The following SRGAP3 variants were observed in gnomAD, a reference collection of about 807,000 sequenced individuals.
SRGAP3 encodes SLIT-ROBO Rho GTPase-activating protein 3.
Under a neutral mutation model 121.1 loss-of-function variants are expected in SRGAP3, and 39 were observed. The observed-to-expected ratio is 0.32, with a 90% CI of 0.25 to 0.42. The LOEUF (loss-of-function observed/expected upper bound fraction) is 0.42. SRGAP3 is among the 10% of genes least tolerant of loss of function. The pLI, the probability that SRGAP3 is intolerant of heterozygous loss-of-function variation, is 1.00. For missense variants in SRGAP3, 1,213 were observed against 1,470.6 expected, an observed-to-expected ratio of 0.82 and a Z score of 2.86; for synonymous variants, 601 against 570.0, an observed-to-expected ratio of 1.05 and a Z score of -0.77.
In SRGAP3 at chr3:9,223,563, A is replaced by G. The variant is rs537317379; in HGVS notation, c.67+25322T>C. On this transcript the variant is annotated intron_variant, in intron 1 of 21. Coordinates refer to ENST00000383836, the MANE Select transcript of SRGAP3 (RefSeq NM_014850.4). ...CCAAAGTCAGGAGGAGTTCCTCATG[A>G]TACATTAAAGATACTCAGTCCAACT... Among the ~76,000 whole-genome samples, 5 of 152,328 alleles carry G rather than the reference A, an allele frequency of 3.3e-5. No homozygotes were observed. In the East Asian group the frequency reaches 9.6e-4, roughly 29 times the overall value.
intron 18 of SRGAP3, among the ~76,000 whole-genome samples, chr3:9,005,349 A>G (rs1369351972): frequency 6.6e-6 from 1 of 152,190 alleles, no homozygotes; most frequent in Non-Finnish European, 1.5e-5. Context: ...TGGTGCGGTC[A>G]TTTTGGAAAA....
chr3:9,119,197 C>T (rs1176576637), intron 2 of SRGAP3, among the ~76,000 whole-genome samples: 1 of 152,194 alleles, frequency 6.6e-6, no homozygotes, highest in African/African-American at 2.4e-5. Flanking sequence ...AAGGCAGAAA[C>T]AGGAGACATC....
chr3:9,311,317 A>C (rs1411274902), intron 3 of SRGAP3, among the ~76,000 whole-genome samples: 1 of 152,252 alleles, frequency 6.6e-6, no homozygotes, highest in Non-Finnish European at 1.5e-5. Context: ...GATACATTTC[A>C]ATACACGTAA....
chr3:9,250,750 A>G (rs1953992521), upstream of SRGAP3, among the ~76,000 whole-genome samples: 1 of 152,204 alleles, frequency 6.6e-6, no homozygotes, highest in Admixed American at 6.5e-5. Flanking sequence ...AGAGGCTCAG[A>G]TATGGGAAGT....
chr3:9,243,972 G>T (rs1953738590), intron 1 of SRGAP3, among the ~76,000 whole-genome samples: 1 of 152,176 alleles, frequency 6.6e-6, no homozygotes, highest in Non-Finnish European at 1.5e-5. Flanking sequence ...TTCCTGCCTA[G>T]GAAGAGCAGG....
intron 17 of SRGAP3, among the ~76,000 whole-genome samples, chr3:9,012,018 C>T (rs1943404265): frequency 6.6e-6 from 1 of 152,186 alleles, no homozygotes; most frequent in South Asian, 2.1e-4. Context: ...TGTGAAAATT[C>T]TCTTTGTCCA....
intron 3 of SRGAP3, among the ~76,000 whole-genome samples, chr3:9,324,339 C>A (rs561803705): frequency 5.9e-4 from 89 of 151,788 alleles, no homozygotes; most frequent in Non-Finnish European, 1.0e-3. Context: ...GAGAGATTGA[C>A]CAAAACCTCA....
chr3:9,049,996 T>G (rs1215211391), intron 9 of SRGAP3, among the ~76,000 whole-genome samples: 1 of 152,128 alleles, frequency 6.6e-6, no homozygotes, highest in African/African-American at 2.4e-5. Flanking sequence ...CACACCACCA[T>G]GGCCAGCTAA....
intron 3 of SRGAP3, among the ~76,000 whole-genome samples, chr3:9,325,106 G>A (rs909666069): frequency 6.6e-6 from 1 of 151,760 alleles, no homozygotes; most frequent in Admixed American, 6.5e-5. Context: ...CCTCATGGTC[G>A]CACATTTCTT....
chr3:8,994,075 A>T, intron 19 of SRGAP3: 1 of 487,566 alleles, frequency 2.1e-6, no homozygotes, highest in East Asian at 4.0e-5. Flanking sequence ...GGGTGATGGC[A>T]CTCCCTGGGG....
Position 9,058,324 on chromosome 3 carries a change from G to C in SRGAP3, c.950C>G (p.Thr317Arg). The stretch of plus-strand genomic sequence containing the variant: ...GACTTGATTGCACATGTCCATGACT[G>C]TGTGCTTGTCACTTCGGGAATCCAG... ...DNLDSRSDKHTVMDMCNQVFC... is the reference protein window; with the variant it reads ...DNLDSRSDKHRVMDMCNQVFC... Residue 317 changes from threonine (T) to arginine (R), a missense_variant, in exon 7 of 22, where the codon ACA (threonine) becomes AGA (arginine). By Grantham distance (71) the Thr-to-Arg change is moderately conservative. This residue lies in a region of SRGAP3 where 793 missense variants were observed against 1,032.9 expected (regional missense o/e 0.77). Transcript: ENST00000383836. 6.2e-7 allele frequency: 1 copy of C among 1,614,238 alleles called. No homozygotes were observed. The highest frequency in any genetic ancestry group is 8.5e-7 in the Non-Finnish European group (1 of 1,180,032).
intron 3 of SRGAP3, among the ~76,000 whole-genome samples, chr3:9,316,527 C>T (rs532206131): frequency 6.6e-5 from 10 of 152,128 alleles, no homozygotes; most frequent in Middle Eastern, 3.4e-3. Flanking sequence ...GGCATGGTGG[C>T]GCATGCCTTG....
At chr3:9,271,010 C>G (rs1954465567) in intron 3 of SRGAP3, among the ~76,000 whole-genome samples, 1 of 152,176 alleles carries the variant, frequency 6.6e-6, no homozygotes, top group South Asian at 2.1e-4. Flanking sequence ...GGCTTTTGGA[C>G]TAAGGCTCAC....
chr3:9,091,135 T>C (rs116070192), intron 3 of SRGAP3, among the ~76,000 whole-genome samples: 1,701 of 152,108 alleles, frequency 0.011, 20 homozygotes, highest in Non-Finnish European at 0.017. Context: ...AATGACACCA[T>C]CCTAAACAAT....
At chr3:9,170,802 G>A (rs947685482) in intron 1 of SRGAP3, among the ~76,000 whole-genome samples, 1 of 152,322 alleles carries the variant, frequency 6.6e-6, no homozygotes, top group Admixed American at 6.5e-5. Flanking sequence ...GGCCTCGGAC[G>A]CCACAGCTCA....
chr3:9,214,924 G>C (rs1029249375), intron 1 of SRGAP3, among the ~76,000 whole-genome samples: 10 of 152,170 alleles, frequency 6.6e-5, no homozygotes, highest in African/African-American at 2.4e-4. Flanking sequence ...CAACAAGCAA[G>C]CTGCATTTGA....
chr3:9,340,693 C>T (rs1287729119), intron 1 of SRGAP3, among the ~76,000 whole-genome samples: 1 of 152,096 alleles, frequency 6.6e-6, no homozygotes, highest in African/African-American at 2.4e-5. Flanking sequence ...GATCTAGAAA[C>T]AATAAAATGA....
intron 3 of SRGAP3, among the ~76,000 whole-genome samples, chr3:9,305,961 T>C (rs1220254086): frequency 6.6e-6 from 1 of 152,250 alleles, no homozygotes; most frequent in Non-Finnish European, 1.5e-5. Context: ...TATTTCCAGT[T>C]CTAGATCCTT....
At chr3:9,243,347 A>G (rs1357233948) in intron 1 of SRGAP3, among the ~76,000 whole-genome samples, 3 of 152,112 alleles carry the variant, frequency 2.0e-5, no homozygotes, top group African/African-American at 7.2e-5. Flanking sequence ...GAGAAAAGGG[A>G]TTGGTCGCCA....
Sources: allele counts gnomAD v4.1 joint callset (sites outside exome capture counted in the v4.1 genomes callset), GRCh38; gene constraint gnomAD v4.1.1; regional missense constraint gnomAD v4.1.1; transcripts MANE v1.5; gene names NCBI Gene and HGNC (gene_info 2026-07-23, HGNC 2026-07-21).